Variants in CSMD1 observed in about 807,000 individuals in gnomAD.
CSMD1 encodes the protein CUB and Sushi multiple domains 1, also known as CUB and sushi domain-containing protein 1.
Under a neutral mutation model 417.5 loss-of-function variants are expected in CSMD1, and 213 were observed. The observed-to-expected ratio is 0.51, with a 90% CI of 0.46 to 0.57. CSMD1 has a LOEUF of 0.57. Ranked by LOEUF, CSMD1 falls within the 20% of genes least tolerant of loss-of-function variation. The pLI is 0.00. For missense variants in CSMD1, 6,923 were observed against 4,529.7 expected (o/e 1.53, Z -15.17); for synonymous variants, 2,862 against 1,736.8 (o/e 1.65, Z -16.11).
intron 42 of CSMD1, among the ~76,000 whole-genome samples, chr8:3,116,275 G>T (rs1468435785): frequency 6.6e-6 from 1 of 152,044 alleles, no homozygotes; most frequent in Non-Finnish European, 1.5e-5. Context: ...GTGCGTTTCG[G>T]TTTCTTTATT....
intron 26 of CSMD1, among the ~76,000 whole-genome samples, chr8:3,246,707 G>A (rs914070070): frequency 2.0e-5 from 3 of 152,136 alleles, no homozygotes; most frequent in Non-Finnish European, 4.4e-5. Flanking sequence ...CCTGACCTCA[G>A]GTGATCTTGC....
At chr8:3,137,363 G>C (rs575616154) in intron 41 of CSMD1, among the ~76,000 whole-genome samples, 1 of 152,318 alleles carries the variant, frequency 6.6e-6, no homozygotes, top group African/African-American at 2.4e-5. Context: ...TGTATATGCA[G>C]CACGGCAGAA....
chr8:4,008,110 T>C (rs1338945213), intron 4 of CSMD1, among the ~76,000 whole-genome samples: 1 of 152,116 alleles, frequency 6.6e-6, no homozygotes, highest in Non-Finnish European at 1.5e-5. Flanking sequence ...CAGAGCTGCA[T>C]GAAATAAAGT....
intron 3 of CSMD1, among the ~76,000 whole-genome samples, chr8:4,212,174 T>TTATATATATATATATATATA (rs10682206): frequency 6.9e-6 from 1 of 145,716 alleles, no homozygotes; most frequent in African/African-American, 2.5e-5. Flanking sequence ...ACTTCCCTAT[T>TTATATATATATATATATATA]TATATATATA....
intron 1 of CSMD1, among the ~76,000 whole-genome samples, chr8:4,890,918 C>T (rs565262290): frequency 6.6e-6 from 1 of 151,974 alleles, no homozygotes; most frequent in Non-Finnish European, 1.5e-5. Context: ...GAGTGGTGCA[C>T]CTGGGGAAAC....
intron 3 of CSMD1, among the ~76,000 whole-genome samples, chr8:4,141,694 G>A (rs548509024): frequency 2.0e-5 from 3 of 151,164 alleles, no homozygotes; most frequent in Non-Finnish European, 2.9e-5. Context: ...TTAAATTTTG[G>A]AGAGCAGGCA....
intron 51 of CSMD1, among the ~76,000 whole-genome samples, chr8:3,022,768 T>C (rs1809546466): frequency 6.6e-6 from 1 of 152,014 alleles, no homozygotes; most frequent in Non-Finnish European, 1.5e-5. Flanking sequence ...GAGGGGCTCT[T>C]TAATATGAAT....
At position 4,319,518 on chromosome 8, in the gene CSMD1, T is replaced by TAAAC. The variant is rs1300497129; in HGVS notation, c.415+100431_415+100434dup. On this transcript the variant is annotated intron_variant, in intron 3 of 69. Transcript: ENST00000635120. The stretch of plus-strand genomic sequence containing the variant: ...CCAGATTTACTCTCAGAGCAGAAAA[T>TAAAC]AAACAAACAAACAAACAAAGTCACA... 2.2e-4 allele frequency among the ~76,000 whole-genome samples: 34 copies of TAAAC among 151,984 alleles called. No individual in the cohort carries two copies. The South Asian group carries it at 3.5e-3, about 16-fold the overall frequency.
At chr8:3,954,385 C>T (rs2627507) in intron 5 of CSMD1, among the ~76,000 whole-genome samples, 30,631 of 151,972 alleles carry the variant, frequency 0.2, 3,440 homozygotes, top group Admixed American at 0.28. Flanking sequence ...TTTTTTGAGA[C>T]GGAGTCTCGC....
At chr8:2,985,589 C>G (rs112926034) in intron 54 of CSMD1, among the ~76,000 whole-genome samples, 2,821 of 152,298 alleles carry the variant, frequency 0.019, 106 homozygotes, top group African/African-American at 0.064. Context: ...TGAAATTTTA[C>G]TTTTCTTAAA....
intron 3 of CSMD1, among the ~76,000 whole-genome samples, chr8:4,255,739 G>A (rs113860824): frequency 0.028 from 4,213 of 152,254 alleles, 218 homozygotes; most frequent in African/African-American, 0.097. Flanking sequence ...TCTAAGCATA[G>A]ACTTAAACAA....
At chr8:3,435,311 A>G (rs1020061349) in intron 12 of CSMD1, among the ~76,000 whole-genome samples, 1 of 152,184 alleles carries the variant, frequency 6.6e-6, no homozygotes, top group Non-Finnish European at 1.5e-5. Flanking sequence ...GGAAAGATGA[A>G]GCATGGGGCA....
chr8:3,656,157 C>A (rs1485120574), intron 7 of CSMD1, among the ~76,000 whole-genome samples: 1 of 152,108 alleles, frequency 6.6e-6, no homozygotes, highest in Non-Finnish European at 1.5e-5. Flanking sequence ...TTAGGAAGGG[C>A]TGTATGTACA....
chr8:3,259,691 T>G (rs1057307116), intron 26 of CSMD1, among the ~76,000 whole-genome samples: 3 of 152,190 alleles, frequency 2.0e-5, no homozygotes, highest in Non-Finnish European at 4.4e-5. Context: ...ATTTACTAAA[T>G]TGGTGAGTCT....
At chr8:4,779,713 A>G (rs1797052318) in intron 1 of CSMD1, among the ~76,000 whole-genome samples, 1 of 152,158 alleles carries the variant, frequency 6.6e-6, no homozygotes, top group African/African-American at 2.4e-5. Flanking sequence ...ACACGAATGT[A>G]TAAAACCAAA....
intron 3 of CSMD1, among the ~76,000 whole-genome samples, chr8:4,115,978 T>G (rs1157562109): frequency 1.2e-5 from 1 of 84,636 alleles, no homozygotes; most frequent in Non-Finnish European, 2.6e-5. Context: ...ATTTATTTAT[T>G]TATTTATTTA....
intron 5 of CSMD1, among the ~76,000 whole-genome samples, chr8:3,935,443 T>G (rs1032842559): frequency 6.6e-6 from 1 of 152,198 alleles, no homozygotes; most frequent in African/African-American, 2.4e-5. Flanking sequence ...TGAAGTTTCC[T>G]GGCAACCCGA....
chr8:4,405,536 A>G (rs1804946496), intron 3 of CSMD1, among the ~76,000 whole-genome samples: 1 of 152,234 alleles, frequency 6.6e-6, no homozygotes. Flanking sequence ...AATTATAGTA[A>G]GTGCCATGAA....
intron 1 of CSMD1, among the ~76,000 whole-genome samples, chr8:4,700,706 C>T (rs1807471810): frequency 6.6e-6 from 1 of 152,072 alleles, no homozygotes; most frequent in South Asian, 2.1e-4. Flanking sequence ...TATTCAGAAA[C>T]TCACAAAATT....
Sources: allele counts gnomAD v4.1 joint callset (sites outside exome capture counted in the v4.1 genomes callset), GRCh38; gene constraint gnomAD v4.1.1; transcripts MANE v1.5; gene names NCBI Gene and HGNC (gene_info 2026-07-23, HGNC 2026-07-21).